ZNF714: variants seen among roughly 807,000 people sequenced by gnomAD.
The protein encoded by ZNF714 is zinc finger protein 714.
Under a neutral mutation model 46.2 loss-of-function variants are expected in ZNF714, and 32 were observed. The ratio of observed to expected loss-of-function variants is 0.69; its 90% CI spans 0.52 to 0.93. ZNF714 has a LOEUF of 0.93. Ranked by LOEUF, ZNF714 falls within the 40% of genes least tolerant of loss-of-function variation. ZNF714 has a pLI of 0.00. For synonymous variants in ZNF714, 199 were observed against 213.1 expected (o/e 0.93, Z 0.58); for missense variants, 635 against 646.3 (o/e 0.98, Z 0.19).
In ZNF714 at chr19:21,123,856, T is replaced by C. The variant is rs1037541644; in HGVS notation, c.*5524T>C. 6.6e-6 allele frequency: 1 copy of C among 152,206 alleles called. No homozygotes were observed. Among genetic ancestry groups the C allele is most frequent in the Non-Finnish European group, 1.5e-5 (1 of 68,024 alleles). 9.4% of individuals were successfully genotyped at this position (152,206 alleles called of 1,614,324 possible). On this transcript the variant is annotated 3_prime_UTR_variant, in exon 5 of 5. Transcript: ENST00000456283. ...ATTTTTTCTTTTAGTGGGAGAAGTT[T>C]AGTCTACGGTTTTTATTTTTAGTCA...
At position 21,116,994 on chromosome 19, in the gene ZNF714, A is replaced by G; in HGVS notation, c.330A>G (p.Thr110=). The part of the protein sequence containing the change: ...KGYNELNQCL[T]TTQSKIFPCD... ...ATAATGAACTAAACCAGTGTTTGAC[A>G]ACTACCCAGAGCAAAATATTTCCAT... The change falls in exon 5 of 5, where the codon ACA becomes ACG. Residue 110 remains threonine, a synonymous_variant. Transcript: ENST00000456283. 6.2e-7 allele frequency: 1 copy of G among 1,613,896 alleles called. No individual in the cohort carries two copies. The highest frequency in any genetic ancestry group is 8.5e-7 in the Non-Finnish European group (1 of 1,179,864).
At chr19:21,088,955 C>T (rs1158798049) in intron 2 of ZNF714, among the ~76,000 whole-genome samples, 1 of 152,158 alleles carries the variant, frequency 6.6e-6, no homozygotes, top group African/African-American at 2.4e-5. Flanking sequence ...GGGGACACCT[C>T]CATACTTCCT....
Position 21,124,491 on chromosome 19 carries a change from TA to T in ZNF714, c.*6164del, listed in dbSNP as rs1163745363. On this transcript the variant is annotated 3_prime_UTR_variant, in exon 5 of 5. Coordinates refer to ENST00000456283, the MANE Select transcript of ZNF714 (RefSeq NM_182515.4). ...GACACATTGTTATTCTTTTATGTCT[TA>T]AAAATATTTTCTTTCAACTTGAGAA... Among the ~76,000 whole-genome samples the T allele has an allele frequency of 6.6e-6, 1 of 152,222 alleles. No individual in the cohort carries two copies. The highest frequency in any genetic ancestry group is 2.4e-5 in the African/African-American group (1 of 41,468).
chr19:21,121,484 T>C lies in ZNF714; in HGVS notation c.*3152T>C, dbSNP rs1352546405. 1 of 152,236 alleles carries C rather than the reference T, an allele frequency of 6.6e-6. No homozygotes were observed. The highest frequency in any genetic ancestry group is 1.5e-5 in the Non-Finnish European group (1 of 68,042). The allele number at this position is 152,236 out of a possible 1,614,324, so 9.4% of individuals were successfully genotyped here. ...AACTATTAATATTTTTTCCAAATTG[T>C]TATATATTTTTCTTTGAACATGTGG... On this transcript the variant is annotated 3_prime_UTR_variant, in exon 5 of 5. Transcript: ENST00000456283.
chr19:21,114,435 CA>C (rs34487712), intron 4 of ZNF714, among the ~76,000 whole-genome samples: 28 of 124,844 alleles, frequency 2.2e-4, no homozygotes, highest in African/African-American at 5.2e-4. Flanking sequence ...GACTCCATCT[CA>C]AAAAAAAAAA....
intron 4 of ZNF714, 129 bp from the exon 5 acceptor site, chr19:21,116,678 G>A: frequency 8.9e-7 from 1 of 1,117,718 alleles, no homozygotes; most frequent in Non-Finnish European, 1.2e-6. Context: ...TGTCTATGAA[G>A]GATTTAGGGC....
chr19:21,108,552 A>T (rs1216127593), intron 4 of ZNF714, among the ~76,000 whole-genome samples: 1 of 151,568 alleles, frequency 6.6e-6, no homozygotes, highest in Non-Finnish European at 1.5e-5. Context: ...AAAGAAACTG[A>T]CTCCTTCACC....
At position 21,098,795 on chromosome 19, in the gene ZNF714, A is replaced by G. The variant is rs948008948; in HGVS notation, c.44-17A>G. On this transcript the variant is annotated splice_polypyrimidine_tract_variant and intron_variant, in intron 3 of 4. Transcript: ENST00000456283. ...AGAGAATATAAGCAAGATTTATGCT[A>G]TTTACTTTTAATAAAGCAGGTATTG... The G allele has an allele frequency of 1.3e-6, 2 of 1,581,780 alleles. No individual in the cohort carries two copies. The highest frequency in any genetic ancestry group is 1.3e-5 in the African/African-American group (1 of 74,088).
At chr19:21,093,199 T>C (rs10414134) in intron 2 of ZNF714, among the ~76,000 whole-genome samples, 140,810 of 151,914 alleles carry the variant, frequency 0.93, 65,336 homozygotes, top group Middle Eastern at 0.98. Context: ...CCACCATACC[T>C]GGCCTTGCAA....
At chr19:21,104,115 T>C (rs907427898) in intron 4 of ZNF714, among the ~76,000 whole-genome samples, 6 of 152,360 alleles carry the variant, frequency 3.9e-5, no homozygotes, top group African/African-American at 1.4e-4. Flanking sequence ...ATACAGTTTT[T>C]ATCATTTTGT....
chr19:21,121,829 C>CA lies in ZNF714; in HGVS notation c.*3498dup, dbSNP rs1472030773. The CA allele has an allele frequency of 6.6e-6, 1 of 152,170 alleles. No homozygotes were observed. Among genetic ancestry groups the CA allele is most frequent in the Non-Finnish European group, 1.5e-5 (1 of 68,028 alleles). 9.4% of individuals were successfully genotyped at this position (152,170 alleles called of 1,614,324 possible). A position where few individuals can be genotyped will look rare whatever the true frequency, so the allele number is the denominator to read the frequency against. ...TCTCTGTATATACTTGCCTGGTACT[C>CA]ATGCTAGACCCATACTTTTTTTGTT... On this transcript the variant is annotated 3_prime_UTR_variant, in exon 5 of 5. Coordinates refer to ENST00000456283, the MANE Select transcript of ZNF714 (RefSeq NM_182515.4).
At position 21,082,209 on chromosome 19, in the gene ZNF714, C is replaced by A. The variant is rs1411492770; in HGVS notation, c.-316C>A. 2 of 914,088 alleles carry A rather than the reference C, an allele frequency of 2.2e-6. No homozygotes were observed. Among genetic ancestry groups the A allele is most frequent in the South Asian group, 1.4e-5 (1 of 70,972 alleles). The allele number at this position is 914,088 out of a possible 1,614,324, so 56.6% of individuals were successfully genotyped here. ...GGGATGTGGCGGGGCCTTTGTCTCTCGCTGCAGCTGGAGCTGCAGGTCTCG... is the reference window on the plus strand; with the variant it reads ...GGGATGTGGCGGGGCCTTTGTCTCTAGCTGCAGCTGGAGCTGCAGGTCTCG... On this transcript the variant is annotated 5_prime_UTR_variant, in exon 1 of 5. Transcript: ENST00000456283.
chr19:21,102,692 T>C (rs2144850946), intron 4 of ZNF714, among the ~76,000 whole-genome samples: 1 of 152,304 alleles, frequency 6.6e-6, no homozygotes, highest in South Asian at 2.1e-4. Flanking sequence ...ATGCCAATTA[T>C]TCGAAATACC....
At chr19:21,088,906 A>G (rs1043250621) in intron 2 of ZNF714, among the ~76,000 whole-genome samples, 1 of 152,190 alleles carries the variant, frequency 6.6e-6, no homozygotes, top group East Asian at 1.9e-4. Flanking sequence ...GGAGAGAATC[A>G]GTTCATCCCA....
intron 4 of ZNF714, among the ~76,000 whole-genome samples, chr19:21,113,891 A>G (rs1411614048): frequency 1.3e-5 from 2 of 152,092 alleles, no homozygotes; most frequent in Non-Finnish European, 2.9e-5. Flanking sequence ...AGTTCTGTAG[A>G]TATCTGTCAG....
intron 1 of ZNF714, among the ~76,000 whole-genome samples, chr19:21,083,284 C>T (rs1240498291): frequency 2.0e-5 from 3 of 152,202 alleles, no homozygotes; most frequent in African/African-American, 4.8e-5. Flanking sequence ...ATCTGCCCTC[C>T]ACGGCCTCCC....
intron 4 of ZNF714, among the ~76,000 whole-genome samples, chr19:21,113,444 C>A (rs1969509448): frequency 6.6e-6 from 1 of 151,192 alleles, no homozygotes; most frequent in African/African-American, 2.4e-5. Flanking sequence ...GATTTCAGTT[C>A]TTTTGCATTT....
chr19:21,090,463 T>C (rs901562120), intron 2 of ZNF714, among the ~76,000 whole-genome samples: 4 of 152,158 alleles, frequency 2.6e-5, no homozygotes, highest in Admixed American at 2.0e-4. Flanking sequence ...GCAAGACAGA[T>C]TAATCCAAAG....
At chr19:21,103,418 T>C (rs1250684546) in intron 4 of ZNF714, among the ~76,000 whole-genome samples, 1 of 151,940 alleles carries the variant, frequency 6.6e-6, no homozygotes, top group Non-Finnish European at 1.5e-5. Flanking sequence ...CTGGACATGG[T>C]GGCCTACGCC....
Sources: allele counts gnomAD v4.1 joint callset (sites outside exome capture counted in the v4.1 genomes callset), GRCh38; gene constraint gnomAD v4.1.1; transcripts MANE v1.5; gene names NCBI Gene and HGNC (gene_info 2026-07-23, HGNC 2026-07-21).